The following SLC37A1 variants were observed in gnomAD, a reference collection of about 807,000 sequenced individuals.
SLC37A1 encodes glucose-6-phosphate exchanger SLC37A1.
A neutral mutation model predicts 75.3 loss-of-function variants in SLC37A1; 49 were observed. The ratio of observed to expected loss-of-function variants is 0.65; its 90% CI spans 0.52 to 0.83. SLC37A1 has a LOEUF of 0.83. SLC37A1 is among the 40% of genes least tolerant of loss of function. The pLI, the probability that SLC37A1 is intolerant of heterozygous loss-of-function variation, is 0.00. For synonymous variants in SLC37A1, 268 were observed against 292.1 expected (o/e 0.92, Z 0.84); for missense variants, 566 against 695.0 (o/e 0.81, Z 2.09).
At position 42,573,146 on chromosome 21, in the gene SLC37A1, G is replaced by A. The variant is rs563396455; in HGVS notation, c.1424-1672G>A. 2.2e-4 allele frequency among the ~76,000 whole-genome samples: 33 copies of A among 152,200 alleles called. No homozygotes were observed. The South Asian group carries it at 6.4e-3, about 30-fold the overall frequency. ...CCTGCACTGGGCTTAGTGTCCCCAC[G>A]GGTTAAGCTGCGCTGTCCTGCACGG... is the stretch of plus-strand genomic sequence containing the variant. On this transcript the variant is annotated intron_variant, in intron 17 of 19. Coordinates refer to ENST00000352133, the MANE Select transcript of SLC37A1 (RefSeq NM_001320537.2).
Position 42,565,935 on chromosome 21 carries a change from G to C in SLC37A1, c.1270+60G>C, listed in dbSNP as rs566959867. 1.4e-5 allele frequency: 22 copies of C among 1,535,502 alleles called. No individual in the cohort carries two copies. The African/African-American group carries it at 2.9e-4, about 20-fold the overall frequency. On this transcript the variant is annotated intron_variant, in intron 15 of 19. Coordinates refer to ENST00000352133, the MANE Select transcript of SLC37A1 (RefSeq NM_001320537.2). ...CACGTTTTTAAAGTTCACACAGCTG[G>C]CAAGATGAAATACTAAAATCAACAG... is the stretch of plus-strand genomic sequence containing the variant.
intron 11 of SLC37A1, among the ~76,000 whole-genome samples, chr21:42,559,475 C>T (rs1407384862): frequency 6.6e-6 from 1 of 152,262 alleles, no homozygotes; most frequent in Non-Finnish European, 1.5e-5. Flanking sequence ...GGCCCCTCCC[C>T]AGTGCACTTG....
chr21:42,554,031 A>G (rs780074276), intron 9 of SLC37A1, 31 bp from the exon 10 acceptor site: 4 of 1,569,686 alleles, frequency 2.5e-6, no homozygotes, highest in Non-Finnish European at 3.5e-6. Flanking sequence ...TTGAATCAGT[A>G]TCGCTCTAAT....
rs117657833 is a variant in SLC37A1 at position 42,552,816 on chromosome 21, G to A, written c.769-1246G>A. On this transcript the variant is annotated intron_variant, in intron 9 of 19. Coordinates refer to ENST00000352133, the MANE Select transcript of SLC37A1 (RefSeq NM_001320537.2). The surrounding 1 kb of genome is among the most constrained non-coding windows in gnomAD (Gnocchi z 4.2). ...GCAGGAAGAAGAGGGCCCGGGTGAT[G>A]CTGGCAGCCTCTGCTCACTGCGGGG... 0.059 allele frequency among the ~76,000 whole-genome samples: 8,934 copies of A among 152,314 alleles called. 365 individuals are homozygous for A. The highest frequency in any genetic ancestry group is 0.11 in the Middle Eastern group (33 of 294).
intron 17 of SLC37A1, among the ~76,000 whole-genome samples, chr21:42,572,616 T>C (rs2056205596): frequency 1.3e-5 from 2 of 150,060 alleles, no homozygotes; most frequent in African/African-American, 2.5e-5. Flanking sequence ...GTGCATCCTG[T>C]TTTATTTCAT....
chr21:42,512,974 G>C (rs1166802756), upstream of SLC37A1, among the ~76,000 whole-genome samples: 1 of 152,256 alleles, frequency 6.6e-6, no homozygotes, highest in Non-Finnish European at 1.5e-5. Flanking sequence ...GCACTGGCCT[G>C]TTGGGACATT....
At position 42,579,625 on chromosome 21, in the gene SLC37A1, G is replaced by A. The variant is rs948318086; in HGVS notation, c.1522-111G>A. On this transcript the variant is annotated intron_variant, in intron 18 of 19. Coordinates refer to ENST00000352133, the MANE Select transcript of SLC37A1 (RefSeq NM_001320537.2). ...GGCCACCCCAGGGAAGGTGCTGTGG[G>A]GAGAGAGCCACCCGCCCAGGCCTTG... 2.4e-5 allele frequency: 23 copies of A among 965,792 alleles called. No individual in the cohort carries two copies. In the East Asian group the frequency reaches 6.5e-4, roughly 27 times the overall value. 59.8% of individuals were successfully genotyped at this position (965,792 alleles called of 1,614,324 possible).
At chr21:42,532,323 T>C (rs1220982672) in intron 3 of SLC37A1, among the ~76,000 whole-genome samples, 2 of 152,254 alleles carry the variant, frequency 1.3e-5, no homozygotes, top group Non-Finnish European at 2.9e-5. Context: ...AATTCTGTTT[T>C]AAGCGGCGGC....
upstream of SLC37A1, among the ~76,000 whole-genome samples, chr21:42,513,468 TG>T (rs961462980): frequency 4.6e-5 from 7 of 152,042 alleles, no homozygotes; most frequent in Non-Finnish European, 1.0e-4. Flanking sequence ...AGGCCCTCTT[TG>T]GGGGTGGGGG....
intron 2 of SLC37A1, 139 bp from the exon 3 acceptor site, chr21:42,525,637 G>A (rs1021073274): frequency 7.1e-5 from 45 of 633,852 alleles, no homozygotes; most frequent in Non-Finnish European, 1.2e-4. Context: ...ATATTATAGT[G>A]ACATAAGTAA....
intron 8 of SLC37A1, among the ~76,000 whole-genome samples, chr21:42,546,716 G>A (rs1401063708): frequency 6.6e-6 from 1 of 152,240 alleles, no homozygotes; most frequent in Admixed American, 6.5e-5. Flanking sequence ...CAGCCAAGCT[G>A]TGCCCTTGCC....
intron 2 of SLC37A1, among the ~76,000 whole-genome samples, chr21:42,507,479 T>A (rs565591748): frequency 1.3e-5 from 2 of 152,284 alleles, no homozygotes; most frequent in Non-Finnish European, 2.9e-5. Flanking sequence ...TTTCCCAGAC[T>A]CCATGTCTGG....
chr21:42,543,342 C>T, intron 7 of SLC37A1, 94 bp from the exon 8 acceptor site: 1 of 1,449,292 alleles, frequency 6.9e-7, no homozygotes, highest in African/African-American at 1.4e-5. Flanking sequence ...TCTGCGCCGA[C>T]TCCCTACTTT....
At chr21:42,577,806 A>G (rs916317824) in intron 18 of SLC37A1, among the ~76,000 whole-genome samples, 4 of 152,254 alleles carry the variant, frequency 2.6e-5, no homozygotes, top group African/African-American at 9.6e-5. Context: ...TATTTACAAG[A>G]AACACACCTG....
intron 1 of SLC37A1, among the ~76,000 whole-genome samples, chr21:42,501,705 G>C (rs913190784): frequency 2.6e-5 from 4 of 152,196 alleles, no homozygotes; most frequent in Non-Finnish European, 5.9e-5. Flanking sequence ...AGAGACAAGA[G>C]TGAAACTCTA....
chr21:42,506,989 T>A (rs1223183288), intron 2 of SLC37A1, among the ~76,000 whole-genome samples: 1 of 152,206 alleles, frequency 6.6e-6, no homozygotes, highest in Non-Finnish European at 1.5e-5. Flanking sequence ...TTCAAACAAT[T>A]CTCCTGTCTC....
chr21:42,579,954 C>G (rs916987397), intron 19 of SLC37A1, among the ~76,000 whole-genome samples, 154 bp downstream of exon 19: 5 of 152,186 alleles, frequency 3.3e-5, no homozygotes, highest in African/African-American at 1.2e-4. Flanking sequence ...TTTTTCTTTT[C>G]TAATAAATAC....
chr21:42,548,023 C>T lies in SLC37A1; in HGVS notation c.768+883C>T, dbSNP rs147460735. The stretch of plus-strand genomic sequence containing the variant: ...TCGCCCGCGTCTGACCCAATGCTTC[C>T]CTCCCTCTGGGGGTCAGCTCTCTTC... On this transcript the variant is annotated intron_variant, in intron 9 of 19. Coordinates refer to ENST00000352133, the MANE Select transcript of SLC37A1 (RefSeq NM_001320537.2). This position sits in a 1 kb window ranked among gnomAD's most constrained non-coding sequence, Gnocchi z 5.6. Among the ~76,000 whole-genome samples, 61 of 152,210 alleles carry T rather than the reference C, an allele frequency of 4.0e-4. No homozygotes were observed. The highest frequency in any genetic ancestry group is 1.4e-3 in the African/African-American group (60 of 41,546).
chr21:42,563,941 G>A (rs1476319758), intron 13 of SLC37A1, 64 bp downstream of exon 13: 2 of 1,569,072 alleles, frequency 1.3e-6, no homozygotes, highest in Non-Finnish European at 1.8e-6. Flanking sequence ...TCTCTGAGTT[G>A]ATTCACTGCT....
Sources: allele counts gnomAD v4.1 joint callset (sites outside exome capture counted in the v4.1 genomes callset), GRCh38; gene constraint gnomAD v4.1.1; non-coding constraint Gnocchi (gnomAD v3.1); transcripts MANE v1.5; gene names NCBI Gene and HGNC (gene_info 2026-07-23, HGNC 2026-07-21).